Variants in CFAP47 observed in about 807,000 individuals in gnomAD.
CFAP47 encodes cilia- and flagella-associated protein 47.
A neutral mutation model predicts 148.1 loss-of-function variants in CFAP47; 29 were observed. That is an observed-to-expected ratio of 0.20 (90% confidence interval 0.15 to 0.27). CFAP47 has a LOEUF of 0.27. CFAP47 is among the 10% of genes least tolerant of loss of function. The pLI is 1.00. For missense variants in CFAP47, 1,872 were observed against 1,697.5 expected (o/e 1.10, Z -1.81); for synonymous variants, 664 against 577.3 (o/e 1.15, Z -2.15).
chrX:36,232,914 A>G (rs1390155753), intron 46 of CFAP47, among the ~76,000 whole-genome samples: 1 of 111,564 alleles, frequency 9.0e-6, no homozygotes, highest in Non-Finnish European at 1.9e-5. Flanking sequence ...TTTCCATGTA[A>G]TTGAGTGGTT....
chrX:36,304,693 T>C (rs1569313441), intron 54 of CFAP47, among the ~76,000 whole-genome samples: 1 of 111,021 alleles, frequency 9.0e-6, no homozygotes, highest in East Asian at 2.8e-4. Flanking sequence ...TCCTCACCCC[T>C]GACACAGACA....
At chrX:36,185,604 G>T (rs1340093072) in intron 40 of CFAP47, among the ~76,000 whole-genome samples, 1 of 112,010 alleles carries the variant, frequency 8.9e-6, no homozygotes, top group Non-Finnish European at 1.9e-5. Context: ...AAGATGTAAG[G>T]ATTAAGACTA....
In CFAP47 at chrX:36,062,236, TA is replaced by T. The variant is rs1937600097; in HGVS notation, c.4218-3406del. Among the ~76,000 whole-genome samples the T allele has an allele frequency of 3.6e-5, 4 of 111,891 alleles. No homozygotes were observed. The South Asian group carries it at 1.1e-3, about 31-fold the overall frequency. On this transcript the variant is annotated intron_variant, in intron 26 of 63. Coordinates refer to ENST00000378653, the MANE Select transcript of CFAP47 (RefSeq NM_001304548.2). ...AAAGATGATAAATATAATATCATGATATTTTTTATGATGTTGACATGTGTTT... is the reference window on the plus strand; with the variant it reads ...AAAGATGATAAATATAATATCATGATTTTTTTATGATGTTGACATGTGTTT...
chrX:36,189,570 C>T (rs911848783), intron 41 of CFAP47, among the ~76,000 whole-genome samples: 1 of 111,870 alleles, frequency 8.9e-6, no homozygotes, highest in Non-Finnish European at 1.9e-5. Flanking sequence ...ACTACATCAT[C>T]ATATTTAAGG....
At chrX:35,924,830 A>G (rs747495367) in intron 1 of CFAP47, among the ~76,000 whole-genome samples, 1 of 111,533 alleles carries the variant, frequency 9.0e-6, no homozygotes, top group South Asian at 3.8e-4. Flanking sequence ...AGAATCAGAT[A>G]GGTAAAAACA....
chrX:36,204,465 T>C (rs1940017925), intron 44 of CFAP47, among the ~76,000 whole-genome samples: 1 of 110,454 alleles, frequency 9.1e-6, no homozygotes, highest in Admixed American at 9.7e-5. Flanking sequence ...CATTAGGAGA[T>C]ATACCTAATG....
chrX:35,934,450 C>T (rs1453722208), intron 2 of CFAP47, among the ~76,000 whole-genome samples: 1 of 110,731 alleles, frequency 9.0e-6, no homozygotes, highest in East Asian at 2.9e-4. Flanking sequence ...ACTCATCCTT[C>T]AGGTCAGTAA....
intron 1 of CFAP47, among the ~76,000 whole-genome samples, chrX:35,924,432 T>C (rs1372104910): frequency 4.7e-5 from 5 of 107,415 alleles, no homozygotes; most frequent in Non-Finnish European, 5.8e-5. Flanking sequence ...CACATATGTG[T>C]ATATATGTAC....
intron 46 of CFAP47, among the ~76,000 whole-genome samples, chrX:36,232,177 T>C (rs1321406849): frequency 9.0e-6 from 1 of 111,388 alleles, no homozygotes; most frequent in African/African-American, 3.3e-5. Flanking sequence ...GGAATAGTTT[T>C]AGAAGGAATG....
intron 45 of CFAP47, among the ~76,000 whole-genome samples, chrX:36,210,435 T>C (rs1555989327): frequency 8.9e-6 from 1 of 112,293 alleles, no homozygotes; most frequent in Non-Finnish European, 1.9e-5. Flanking sequence ...AGGTTTTCAT[T>C]GGCATTTTCC....
chrX:36,162,756 T>C (rs1939445898), intron 39 of CFAP47, among the ~76,000 whole-genome samples: 1 of 111,719 alleles, frequency 9.0e-6, no homozygotes, highest in African/African-American at 3.2e-5. Flanking sequence ...AACACCACTA[T>C]TTCATGCTCT....
At chrX:35,968,370 TCAACCTCA>T (rs1936440432) in intron 10 of CFAP47, among the ~76,000 whole-genome samples, 2 of 111,457 alleles carry the variant, frequency 1.8e-5, no homozygotes, top group African/African-American at 6.5e-5. Flanking sequence ...TAAAAAGTGT[TCAACCTCA>T]GTTTATATTT....
chrX:36,254,957 A>G (rs1443605675), intron 49 of CFAP47, among the ~76,000 whole-genome samples: 1 of 111,912 alleles, frequency 8.9e-6, no homozygotes, highest in Non-Finnish European at 1.9e-5. Flanking sequence ...GACAGCATGT[A>G]CTAATGTTAT....
chrX:36,346,792 C>T (rs1556016636), intron 57 of CFAP47, among the ~76,000 whole-genome samples: 3 of 111,264 alleles, frequency 2.7e-5, no homozygotes, highest in African/African-American at 9.8e-5. Context: ...GAAAATGTGT[C>T]TTTTAAAAAG....
At chrX:36,328,151 A>G (rs1285216185) in intron 57 of CFAP47, among the ~76,000 whole-genome samples, 1 of 112,201 alleles carries the variant, frequency 8.9e-6, no homozygotes, top group Non-Finnish European at 1.9e-5. Flanking sequence ...ACAAAAATCA[A>G]TTCAATTTGA....
chrX:36,197,270 G>A (rs1486232828), intron 42 of CFAP47, among the ~76,000 whole-genome samples: 1 of 111,388 alleles, frequency 9.0e-6, no homozygotes, highest in Non-Finnish European at 1.9e-5. Flanking sequence ...TTATATTTGA[G>A]GAAAATATTC....
chrX:36,241,865 A>T (rs1555996066), intron 48 of CFAP47, among the ~76,000 whole-genome samples: 2 of 111,972 alleles, frequency 1.8e-5, no homozygotes, highest in African/African-American at 6.5e-5. Context: ...CTAACAAAAG[A>T]AATGTGGGTG....
intron 45 of CFAP47, among the ~76,000 whole-genome samples, chrX:36,219,906 G>C (rs1177351808): frequency 4.5e-5 from 5 of 111,381 alleles, no homozygotes; most frequent in Non-Finnish European, 7.5e-5. Flanking sequence ...GACCTCTTGA[G>C]ACTGTGTCAC....
chrX:36,241,698 G>GC (rs1330349179), intron 48 of CFAP47, among the ~76,000 whole-genome samples: 1 of 111,610 alleles, frequency 9.0e-6, no homozygotes. Flanking sequence ...TTGAAGAGGA[G>GC]CCCCCAGTCT....
Sources: allele counts gnomAD v4.1 joint callset (sites outside exome capture counted in the v4.1 genomes callset), GRCh38; gene constraint gnomAD v4.1.1; transcripts MANE v1.5; gene names NCBI Gene and HGNC (gene_info 2026-07-23, HGNC 2026-07-21).